The following ATP8A2 variants were observed in gnomAD, a reference collection of about 807,000 sequenced individuals.
ATP8A2 encodes the protein ATPase phospholipid transporting 8A2, also known as phospholipid-transporting ATPase IB.
ATP8A2 carries 100 observed loss-of-function variants against 165.6 expected under a neutral mutation model. The ratio of observed to expected loss-of-function variants is 0.60; its 90% CI spans 0.51 to 0.71. The LOEUF (loss-of-function observed/expected upper bound fraction) is 0.71. Among genes scored for constraint, ATP8A2 ranks in the 30% least tolerant of loss-of-function variants. The pLI is 0.00. For synonymous variants in ATP8A2, 543 were observed against 548.8 expected (o/e 0.99, Z 0.15); for missense variants, 1,227 against 1,479.5 (o/e 0.83, Z 2.80).
At chr13:25,982,772 C>CA (rs1470508341) in intron 35 of ATP8A2, among the ~76,000 whole-genome samples, 2 of 152,136 alleles carry the variant, frequency 1.3e-5, no homozygotes, top group South Asian at 2.1e-4. Context: ...TACTGTTTTG[C>CA]AAAAAATGTC....
intron 33 of ATP8A2, among the ~76,000 whole-genome samples, chr13:25,949,317 T>C (rs1955287323): frequency 6.6e-6 from 1 of 152,210 alleles, no homozygotes; most frequent in Non-Finnish European, 1.5e-5. Context: ...CTCATTCAGA[T>C]GGTGACAAGG....
At chr13:25,519,992 A>T (rs34194268) in intron 2 of ATP8A2, among the ~76,000 whole-genome samples, 10,257 of 152,302 alleles carry the variant, frequency 0.067, 466 homozygotes, top group African/African-American at 0.12. Context: ...TATAGTGTGT[A>T]AAGATCAAAT....
At chr13:25,862,892 T>A (rs930690657) in intron 33 of ATP8A2, among the ~76,000 whole-genome samples, 6 of 152,234 alleles carry the variant, frequency 3.9e-5, no homozygotes, top group African/African-American at 1.4e-4. Context: ...TCATTGTTCA[T>A]CTCTTTGAAC....
At chr13:25,456,626 C>T (rs1256307460) in intron 1 of ATP8A2, among the ~76,000 whole-genome samples, 2 of 152,124 alleles carry the variant, frequency 1.3e-5, no homozygotes, top group Admixed American at 6.6e-5. Flanking sequence ...GGCAGAGAAC[C>T]GTCGGAGAGG....
At chr13:25,548,593 C>G (rs1003716654) in intron 10 of ATP8A2, among the ~76,000 whole-genome samples, 3 of 152,184 alleles carry the variant, frequency 2.0e-5, no homozygotes, top group Admixed American at 6.5e-5. Context: ...CTGGCCCTTA[C>G]GTTGAGGCCA....
At chr13:25,841,679 C>T (rs1380441081) in intron 30 of ATP8A2, among the ~76,000 whole-genome samples, 2 of 152,134 alleles carry the variant, frequency 1.3e-5, no homozygotes. Context: ...CTAAGGGTGA[C>T]AGTAGATATA....
Position 26,005,895 on chromosome 13 carries a change from T to C in ATP8A2, c.3378-6636T>C, listed in dbSNP as rs58444495. ...GTAAGTCTATGTCAGTACCATGCTA[T>C]TTTTATTACTGTAGTTTAGTAATAA... On this transcript the variant is annotated intron_variant, in intron 35 of 36. Transcript: ENST00000381655. Among the ~76,000 whole-genome samples the C allele has an allele frequency of 6.4e-3, 971 of 152,178 alleles. 6 individuals carry two copies. The highest frequency in any genetic ancestry group is 0.037 in the Middle Eastern group (11 of 294).
intron 7 of ATP8A2, among the ~76,000 whole-genome samples, chr13:25,538,389 G>T (rs1385843964): frequency 6.6e-6 from 1 of 152,120 alleles, no homozygotes; most frequent in Non-Finnish European, 1.5e-5. Context: ...GCATATCTGA[G>T]ATTTCAGAAT....
At chr13:25,906,500 G>T (rs556496817) in intron 33 of ATP8A2, among the ~76,000 whole-genome samples, 2 of 152,000 alleles carry the variant, frequency 1.3e-5, no homozygotes, top group Non-Finnish European at 2.9e-5. Flanking sequence ...CCTGAGCAGC[G>T]GTGGGGTCTC....
At chr13:25,802,186 A>G (rs1348139270) in intron 27 of ATP8A2, among the ~76,000 whole-genome samples, 1 of 152,212 alleles carries the variant, frequency 6.6e-6, no homozygotes, top group Non-Finnish European at 1.5e-5. Flanking sequence ...ATTGTTACAA[A>G]TAAGTATACA....
At chr13:25,533,500 G>C (rs2038183481) in intron 6 of ATP8A2, among the ~76,000 whole-genome samples, 187 bp downstream of exon 6, 1 of 152,182 alleles carries the variant, frequency 6.6e-6, no homozygotes, top group Admixed American at 6.5e-5. Context: ...GTCACTTCAA[G>C]CTATGAACTT....
At chr13:25,637,450 A>T (rs11149399) in intron 24 of ATP8A2, among the ~76,000 whole-genome samples, 35,878 of 152,144 alleles carry the variant, frequency 0.24, 4,633 homozygotes, top group South Asian at 0.46. Flanking sequence ...AATGGCACAC[A>T]AGGAGATTAT....
At chr13:25,607,047 C>T (rs1041761149) in intron 24 of ATP8A2, among the ~76,000 whole-genome samples, 1 of 152,142 alleles carries the variant, frequency 6.6e-6, no homozygotes, top group Non-Finnish European at 1.5e-5. Flanking sequence ...GTCAGATCAG[C>T]AGTGGCATTA....
chr13:25,572,492 C>T (rs558611330), intron 18 of ATP8A2, among the ~76,000 whole-genome samples: 2 of 152,158 alleles, frequency 1.3e-5, no homozygotes, highest in Admixed American at 6.5e-5. Flanking sequence ...AAGGGGTTTA[C>T]ATGTTTTCTG....
At chr13:25,411,542 C>G (rs1230894035) in intron 1 of ATP8A2, among the ~76,000 whole-genome samples, 1 of 152,140 alleles carries the variant, frequency 6.6e-6, no homozygotes, top group Non-Finnish European at 1.5e-5. Flanking sequence ...TGTTAGGAGA[C>G]TGAGAAGACT....
At position 25,750,526 on chromosome 13, in the gene ATP8A2, G is replaced by A. The variant is rs571624062; in HGVS notation, c.2385-18520G>A. On this transcript the variant is annotated intron_variant, in intron 25 of 36. Transcript: ENST00000381655. This position sits in a 1 kb window ranked among gnomAD's most constrained non-coding sequence, Gnocchi z 4.3. ...TGTTGCTCTGCCCGGCTCCCATTCC[G>A]AAGGCCGGTGGTTTCAGCCCAGCTT... is the stretch of plus-strand genomic sequence containing the variant. Among the ~76,000 whole-genome samples the A allele has an allele frequency of 2.0e-5, 3 of 152,040 alleles. No homozygotes were observed. The highest frequency in any genetic ancestry group is 2.1e-4 in the South Asian group (1 of 4,804).
rs113178441 is a variant in ATP8A2 at position 25,757,503 on chromosome 13, ATG to A, written c.2385-11522_2385-11521del. ...TGCCAGTTCAGTGTAACGATATACT[ATG>A]TGTGTGTGTGTGTGTGTGTGCACAC... On this transcript the variant is annotated intron_variant, in intron 25 of 36. Transcript: ENST00000381655. Among the ~76,000 whole-genome samples, 865 of 150,646 alleles carry A rather than the reference ATG, an allele frequency of 5.7e-3. 7 individuals carry two copies. The highest frequency in any genetic ancestry group is 0.027 in the East Asian group (137 of 5,036).
intron 13 of ATP8A2, among the ~76,000 whole-genome samples, chr13:25,556,270 G>A (rs984401373): frequency 6.6e-6 from 1 of 152,166 alleles, no homozygotes; most frequent in Non-Finnish European, 1.5e-5. Flanking sequence ...AGCATTGCCA[G>A]CATCTGTTGT....
At chr13:25,377,090 G>C (rs1593225412) in intron 1 of ATP8A2, among the ~76,000 whole-genome samples, 1 of 152,198 alleles carries the variant, frequency 6.6e-6, no homozygotes, top group Admixed American at 6.5e-5. Flanking sequence ...CCTCCTCAGA[G>C]GTGCCAGCTA....
Sources: allele counts gnomAD v4.1 joint callset (sites outside exome capture counted in the v4.1 genomes callset), GRCh38; gene constraint gnomAD v4.1.1; non-coding constraint Gnocchi (gnomAD v3.1); transcripts MANE v1.5; gene names NCBI Gene and HGNC (gene_info 2026-07-23, HGNC 2026-07-21).